The following MLLT3 variants were observed in gnomAD, a reference collection of about 807,000 sequenced individuals.
MLLT3 encodes MLLT3 super elongation complex subunit, also known as protein AF-9.
In MLLT3, 4 loss-of-function variants were observed where a neutral mutation model predicts 53.2. That is an observed-to-expected ratio of 0.08 (90% confidence interval 0.04 to 0.17). The LOEUF (loss-of-function observed/expected upper bound fraction) is 0.17, where lower values mean the gene tolerates loss of function less well. Among genes scored for constraint, MLLT3 ranks in the 10% least tolerant of loss-of-function variants. MLLT3 has a pLI of 1.00. For synonymous variants in MLLT3, 283 were observed against 230.6 expected (o/e 1.23, Z -2.06); for missense variants, 569 against 684.0 (o/e 0.83, Z 1.87).
chr9:20,502,836 A>T (rs1393845853), intron 2 of MLLT3, among the ~76,000 whole-genome samples: 1 of 152,218 alleles, frequency 6.6e-6, no homozygotes, highest in Non-Finnish European at 1.5e-5. Context: ...CTAATAAATA[A>T]ATTCAGTGAA....
chr9:20,568,258 T>C (rs1819435391), intron 2 of MLLT3, among the ~76,000 whole-genome samples: 1 of 152,108 alleles, frequency 6.6e-6, no homozygotes, highest in Admixed American at 6.6e-5. Context: ...CACAAGATTG[T>C]GAGTTAATAA....
intron 4 of MLLT3, among the ~76,000 whole-genome samples, chr9:20,430,608 A>G (rs1482121196): frequency 1.3e-5 from 2 of 152,156 alleles, no homozygotes; most frequent in African/African-American, 4.8e-5. Context: ...CATAAAATCA[A>G]TTCCAGATAT....
In MLLT3 at chr9:20,381,689, T is replaced by C. The variant is rs553525470; in HGVS notation, c.1126-15945A>G. Among the ~76,000 whole-genome samples, 3 of 152,048 alleles carry C rather than the reference T, an allele frequency of 2.0e-5. No homozygotes were observed. In the South Asian group the frequency reaches 6.2e-4, roughly 31 times the overall value. On this transcript the variant is annotated intron_variant, in intron 5 of 10. Coordinates refer to ENST00000380338, the MANE Select transcript of MLLT3 (RefSeq NM_004529.4). ...TAATTAAGGGCTAATTTTTACCAAA[T>C]ACCCTAGTGGTTAGATAACAAGGGA...
rs533239272 is a variant in MLLT3, at chr9:20,513,699, G to A, written c.194-56913C>T. On this transcript the variant is annotated intron_variant, in intron 2 of 10. Coordinates refer to ENST00000380338, the MANE Select transcript of MLLT3 (RefSeq NM_004529.4). Reference sequence around the variant, plus strand: ...TAGGCTGTATCTGTATGTCCATGAGGGAGGTGGTTGTACACGGCAGGTATC... The same window carrying A: ...TAGGCTGTATCTGTATGTCCATGAGAGAGGTGGTTGTACACGGCAGGTATC... Among the ~76,000 whole-genome samples, 54 of 152,314 alleles carry A rather than the reference G, an allele frequency of 3.5e-4. 3 individuals carry two copies. In the South Asian group the frequency reaches 0.011, roughly 32 times the overall value.
At chr9:20,502,945 T>C (rs1308503639) in intron 2 of MLLT3, among the ~76,000 whole-genome samples, 3 of 152,150 alleles carry the variant, frequency 2.0e-5, no homozygotes, top group Non-Finnish European at 4.4e-5. Flanking sequence ...AAACAATCCA[T>C]TCACTACAGC....
chr9:20,542,248 T>G (rs1259351564), intron 2 of MLLT3, among the ~76,000 whole-genome samples: 1 of 148,522 alleles, frequency 6.7e-6, no homozygotes, highest in Non-Finnish European at 1.5e-5. Flanking sequence ...ATTTTTTTTT[T>G]TTTTTTTTTT....
intron 9 of MLLT3, 27 bp downstream of exon 9, chr9:20,354,781 C>T (rs1057268065): frequency 4.8e-6 from 7 of 1,458,638 alleles, no homozygotes; most frequent in East Asian, 4.6e-5. Flanking sequence ...GTGTTGGAGC[C>T]CTCCTAGTAA....
intron 2 of MLLT3, among the ~76,000 whole-genome samples, chr9:20,547,758 C>A (rs916708378): frequency 1.3e-5 from 2 of 152,028 alleles, no homozygotes; most frequent in African/African-American, 4.8e-5. Flanking sequence ...CAAGACTAGC[C>A]TGGGCAACAG....
At chr9:20,511,014 C>T (rs1825522098) in intron 2 of MLLT3, among the ~76,000 whole-genome samples, 2 of 152,098 alleles carry the variant, frequency 1.3e-5, no homozygotes, top group South Asian at 4.1e-4. Context: ...TATATATCTG[C>T]ATCTATTAAC....
At chr9:20,357,316 T>C (rs1821195417) in intron 8 of MLLT3, among the ~76,000 whole-genome samples, 1 of 152,180 alleles carries the variant, frequency 6.6e-6, no homozygotes, top group Non-Finnish European at 1.5e-5. Flanking sequence ...GAAATTCACA[T>C]AAGGGAGGTT....
chr9:20,622,134 A>T, intron 1 of MLLT3, 111 bp downstream of exon 1: 1 of 1,265,696 alleles, frequency 7.9e-7, no homozygotes, highest in East Asian at 2.5e-5. Flanking sequence ...AGCCGTACCA[A>T]CCTTTCTCTA....
intron 2 of MLLT3, among the ~76,000 whole-genome samples, chr9:20,486,860 A>G (rs1439602993): frequency 6.6e-6 from 1 of 152,122 alleles, no homozygotes; most frequent in Non-Finnish European, 1.5e-5. Flanking sequence ...AAGGGACATA[A>G]ATTTTATTAT....
intron 2 of MLLT3, chr9:20,533,106 C>A (rs1344145188): frequency 7.9e-6 from 2 of 254,086 alleles, no homozygotes; most frequent in Admixed American, 9.2e-5. Flanking sequence ...AGTGCATTAC[C>A]AAGGAGAAGG....
rs1016403107 is a variant in MLLT3, at chr9:20,542,222, G to A, written c.193+78432C>T. Reference sequence around the variant, plus strand: ...CAGCTCTTCTGTAACCAGGCACATGGTCAATGAGCAGTAATATTTTTTTTT... The same window carrying A: ...CAGCTCTTCTGTAACCAGGCACATGATCAATGAGCAGTAATATTTTTTTTT... On this transcript the variant is annotated intron_variant, in intron 2 of 10. Transcript: ENST00000380338. Among the ~76,000 whole-genome samples, 37 of 150,580 alleles carry A rather than the reference G, an allele frequency of 2.5e-4. 1 individual carries two copies. Among genetic ancestry groups the A allele is most frequent in the African/African-American group, 6.6e-4 (27 of 41,064 alleles).
chr9:20,546,115 T>C (rs1394240464), intron 2 of MLLT3, among the ~76,000 whole-genome samples: 2 of 152,192 alleles, frequency 1.3e-5, no homozygotes, highest in Non-Finnish European at 2.9e-5. Context: ...TTCCAGATGA[T>C]TTTTATTTCT....
chr9:20,483,293 G>C (rs1423859651), intron 2 of MLLT3, among the ~76,000 whole-genome samples: 1 of 151,754 alleles, frequency 6.6e-6, no homozygotes, highest in Non-Finnish European at 1.5e-5. Flanking sequence ...GGAGTGCAGT[G>C]GTGCAGTCAT....
At chr9:20,434,046 G>C (rs1823343190) in intron 4 of MLLT3, among the ~76,000 whole-genome samples, 1 of 152,046 alleles carries the variant, frequency 6.6e-6, no homozygotes, top group Non-Finnish European at 1.5e-5. Context: ...GCTTGAATCT[G>C]GGAAGCGGAG....
At chr9:20,356,480 G>T (rs1404938411) in intron 8 of MLLT3, among the ~76,000 whole-genome samples, 1 of 152,030 alleles carries the variant, frequency 6.6e-6, no homozygotes, top group Non-Finnish European at 1.5e-5. Flanking sequence ...CTAGGAGCAA[G>T]TAGGTCAGTA....
chr9:20,451,627 T>C (rs549847422), intron 3 of MLLT3, among the ~76,000 whole-genome samples: 19 of 152,334 alleles, frequency 1.2e-4, no homozygotes, highest in African/African-American at 4.6e-4. Flanking sequence ...TGTCAGTCTG[T>C]GCTCCTTAGA....
Sources: gnomAD v4.1 joint callset for allele counts (sites outside exome capture counted in the v4.1 genomes callset) on GRCh38, gnomAD v4.1.1 for gene constraint, MANE v1.5 for transcripts, NCBI Gene and HGNC (gene_info 2026-07-23, HGNC 2026-07-21) for gene names.